The following OXR1 variants were observed in gnomAD, a reference collection of about 807,000 sequenced individuals.
The protein encoded by OXR1 is oxidation resistance 1.
A neutral mutation model predicts 104.6 loss-of-function variants in OXR1; 41 were observed. That is an observed-to-expected ratio of 0.39 (90% confidence interval 0.31 to 0.51). The LOEUF (loss-of-function observed/expected upper bound fraction) is 0.51, where lower values mean the gene tolerates loss of function less well. Ranked by LOEUF, OXR1 falls within the 20% of genes least tolerant of loss-of-function variation. The probability of loss-of-function intolerance (pLI) is 0.77; values close to 1 mark genes in which losing one functional copy is unlikely to be tolerated. For missense variants in OXR1, 955 were observed against 1,031.9 expected, an observed-to-expected ratio of 0.93 and a Z score of 1.02; for synonymous variants, 348 against 348.4, an observed-to-expected ratio of 1.00 and a Z score of 0.01.
intron 2 of OXR1, among the ~76,000 whole-genome samples, chr8:106,430,713 C>G (rs1819328962): frequency 6.6e-6 from 1 of 152,114 alleles, no homozygotes; most frequent in Admixed American, 6.6e-5. Context: ...TCTCTAGTAC[C>G]AGTGGATTTC....
intron 2 of OXR1, among the ~76,000 whole-genome samples, chr8:106,373,866 A>AG (rs1050126348): frequency 3.9e-5 from 6 of 152,228 alleles, no homozygotes; most frequent in African/African-American, 1.4e-4. Context: ...TTGGGATTAC[A>AG]GGTGTGAGCC....
At chr8:106,716,205 A>G (rs999719250) in intron 11 of OXR1, among the ~76,000 whole-genome samples, 4 of 152,166 alleles carry the variant, frequency 2.6e-5, no homozygotes, top group African/African-American at 9.7e-5. Context: ...TTCCTATGAA[A>G]ATTTAGTGCC....
intron 1 of OXR1, among the ~76,000 whole-genome samples, chr8:106,352,524 T>C (rs980583533): frequency 6.6e-6 from 1 of 152,200 alleles, no homozygotes; most frequent in African/African-American, 2.4e-5. Flanking sequence ...TATAAGGATA[T>C]ACACTGCAGC....
intron 11 of OXR1, among the ~76,000 whole-genome samples, chr8:106,718,732 G>C (rs895478123): frequency 6.6e-6 from 1 of 151,810 alleles, no homozygotes; most frequent in Non-Finnish European, 1.5e-5. Context: ...GTAGCTACTC[G>C]GGAGGCTGAG....
intron 3 of OXR1, among the ~76,000 whole-genome samples, chr8:106,563,296 C>CAACAAAAAA (rs1816817703): frequency 8.0e-6 from 1 of 125,772 alleles, no homozygotes; most frequent in East Asian, 2.5e-4. Flanking sequence ...AAATGGAAAG[C>CAACAAAAAA]AAAAAAAAAA....
chr8:106,668,540 A>G (rs999229889), intron 3 of OXR1, among the ~76,000 whole-genome samples: 1 of 152,160 alleles, frequency 6.6e-6, no homozygotes, highest in Non-Finnish European at 1.5e-5. Context: ...TCTGGTTTTG[A>G]GATAGAAAAG....
intron 3 of OXR1, among the ~76,000 whole-genome samples, chr8:106,545,470 T>A (rs1489289266): frequency 1.3e-5 from 2 of 152,182 alleles, no homozygotes; most frequent in South Asian, 4.1e-4. Context: ...ACAAGCAAAG[T>A]GTGTGTGGAT....
intron 2 of OXR1, among the ~76,000 whole-genome samples, chr8:106,442,707 A>T (rs940824679): frequency 6.6e-6 from 1 of 151,922 alleles, no homozygotes; most frequent in Admixed American, 6.6e-5. Flanking sequence ...TTTGCATAGA[A>T]GTGTTTATAG....
At chr8:106,406,497 T>A (rs1818241101) in intron 2 of OXR1, among the ~76,000 whole-genome samples, 1 of 152,062 alleles carries the variant, frequency 6.6e-6, no homozygotes, top group African/African-American at 2.4e-5. Flanking sequence ...ATTCAGACAA[T>A]GGAATATTAC....
At chr8:106,336,523 C>T (rs1157310505) in intron 1 of OXR1, among the ~76,000 whole-genome samples, 1 of 152,216 alleles carries the variant, frequency 6.6e-6, no homozygotes, top group East Asian at 1.9e-4. Context: ...ATTGCTACCT[C>T]ACTTTCACAT....
chr8:106,617,484 T>C (rs564732940), intron 3 of OXR1, among the ~76,000 whole-genome samples: 3 of 152,186 alleles, frequency 2.0e-5, no homozygotes, highest in Non-Finnish European at 4.4e-5. Flanking sequence ...ACTACTTTTA[T>C]CCATTCTTTT....
Position 106,583,275 on chromosome 8 carries a change from T to C in OXR1, c.220+64136T>C, listed in dbSNP as rs189393239. On this transcript the variant is annotated intron_variant, in intron 3 of 16. Coordinates refer to ENST00000517566, the MANE Select transcript of OXR1 (RefSeq NM_001198533.2). ...CTCATTTACAAGCCTATTAAACTTC[T>C]TTAAATACTTCAAGCTAAATTACAA... Among the ~76,000 whole-genome samples, 35 of 152,320 alleles carry C rather than the reference T, an allele frequency of 2.3e-4. No homozygotes were observed. The East Asian group carries it at 6.5e-3, about 28-fold the overall frequency.
chr8:106,480,635 A>C (rs2129739694), intron 2 of OXR1, among the ~76,000 whole-genome samples: 1 of 152,062 alleles, frequency 6.6e-6, no homozygotes, highest in South Asian at 2.1e-4. Flanking sequence ...GTGAGCCCTC[A>C]GTAAACCCTT....
At chr8:106,380,259 A>G (rs1420740798) in intron 2 of OXR1, among the ~76,000 whole-genome samples, 2 of 150,310 alleles carry the variant, frequency 1.3e-5, no homozygotes, top group Non-Finnish European at 2.9e-5. Flanking sequence ...CCCTTAACAT[A>G]ATGTTTTCAA....
intron 3 of OXR1, among the ~76,000 whole-genome samples, chr8:106,645,544 T>C (rs1426627137): frequency 1.3e-5 from 2 of 152,168 alleles, no homozygotes; most frequent in Admixed American, 6.5e-5. Flanking sequence ...TTAGAGTAGA[T>C]CTGCAACAGA....
chr8:106,427,215 A>G (rs1290565966), intron 2 of OXR1, among the ~76,000 whole-genome samples: 1 of 152,116 alleles, frequency 6.6e-6, no homozygotes, highest in Admixed American at 6.6e-5. Context: ...TCTGTCGCCC[A>G]GGCTGGAGTG....
At chr8:106,654,941 T>C (rs540539159) in intron 3 of OXR1, among the ~76,000 whole-genome samples, 5 of 152,186 alleles carry the variant, frequency 3.3e-5, no homozygotes, top group Admixed American at 6.5e-5. Context: ...CAATAAAATG[T>C]GGTATATCTT....
intron 1 of OXR1, among the ~76,000 whole-genome samples, chr8:106,342,225 TTTTTCTTTTC>T (rs750420368): frequency 2.6e-5 from 4 of 151,216 alleles, no homozygotes. Context: ...TTCTTGCTTC[TTTTTCTTTTC>T]TTTTCTTTTC....
At chr8:106,509,429 CTT>C (rs1349614510) in intron 2 of OXR1, among the ~76,000 whole-genome samples, 1 of 152,168 alleles carries the variant, frequency 6.6e-6, no homozygotes, top group Non-Finnish European at 1.5e-5. Context: ...GTGTTTGAAA[CTT>C]TATAGTAGAA....
Sources: allele counts gnomAD v4.1 joint callset (sites outside exome capture counted in the v4.1 genomes callset), GRCh38; gene constraint gnomAD v4.1.1; transcripts MANE v1.5; gene names NCBI Gene and HGNC (gene_info 2026-07-23, HGNC 2026-07-21).